Variants in BCAS1 observed in about 807,000 individuals in gnomAD.
BCAS1 encodes breast carcinoma-amplified sequence 1.
Under a neutral mutation model 65.4 loss-of-function variants are expected in BCAS1, and 46 were observed. That is an observed-to-expected ratio of 0.70 (90% CI 0.55 to 0.90). The LOEUF (loss-of-function observed/expected upper bound fraction) is 0.90. BCAS1 is among the 40% of genes least tolerant of loss of function. The probability of loss-of-function intolerance (pLI) is 0.00; values close to 1 mark genes in which losing one functional copy is unlikely to be tolerated. For synonymous variants in BCAS1, 298 were observed against 293.5 expected (o/e 1.02, Z -0.16); for missense variants, 793 against 771.2 (o/e 1.03, Z -0.33).
chr20:53,991,079 G>C (rs1364296177), intron 7 of BCAS1, among the ~76,000 whole-genome samples: 1 of 152,192 alleles, frequency 6.6e-6, no homozygotes, highest in Non-Finnish European at 1.5e-5. Flanking sequence ...TGCATGAAGT[G>C]AATGTCATAA....
At chr20:54,043,381 AAAAT>A (rs1355999326) in intron 3 of BCAS1, among the ~76,000 whole-genome samples, 3 of 152,274 alleles carry the variant, frequency 2.0e-5, no homozygotes, top group African/African-American at 7.2e-5. Context: ...GGTAGGGAAA[AAAAT>A]AAACCTCACA....
At chr20:54,004,429 T>A (rs2091135731) in intron 4 of BCAS1, among the ~76,000 whole-genome samples, 1 of 152,218 alleles carries the variant, frequency 6.6e-6, no homozygotes, top group Non-Finnish European at 1.5e-5. Flanking sequence ...GAAAAATATG[T>A]CCAGCATCAA....
intron 4 of BCAS1, among the ~76,000 whole-genome samples, chr20:54,002,395 A>G (rs6123338): frequency 0.17 from 25,344 of 152,102 alleles, 2,375 homozygotes; most frequent in East Asian, 0.28. Flanking sequence ...TTTTTGTCCA[A>G]GTTTTCATCT....
chr20:53,967,152 G>A, intron 9 of BCAS1, 79 bp from the exon 10 acceptor site: 1 of 1,459,654 alleles, frequency 6.9e-7, no homozygotes, highest in Non-Finnish European at 9.5e-7. Flanking sequence ...TGGGGTCCTT[G>A]TTGCCCCCCT....
At chr20:53,954,037 C>T (rs1001544121) in intron 11 of BCAS1, among the ~76,000 whole-genome samples, 3 of 152,172 alleles carry the variant, frequency 2.0e-5, no homozygotes, top group Admixed American at 2.0e-4. Context: ...CACCTCCAGA[C>T]AAGAGCATGT....
At chr20:53,996,716 G>C (rs1019199807) in intron 4 of BCAS1, among the ~76,000 whole-genome samples, 2 of 152,052 alleles carry the variant, frequency 1.3e-5, no homozygotes, top group African/African-American at 4.8e-5. Flanking sequence ...CCTTGTCTCT[G>C]GTTGGGCTCT....
chr20:54,063,123 T>C (rs2092395796), intron 1 of BCAS1, among the ~76,000 whole-genome samples: 1 of 152,156 alleles, frequency 6.6e-6, no homozygotes. Context: ...GATAACCATA[T>C]ATGACTTGTA....
chr20:54,030,197 A>G (rs2091768845), intron 3 of BCAS1, among the ~76,000 whole-genome samples: 1 of 152,206 alleles, frequency 6.6e-6, no homozygotes, highest in Non-Finnish European at 1.5e-5. Flanking sequence ...ATATTCAGGA[A>G]AAAAAGAACA....
intron 4 of BCAS1, among the ~76,000 whole-genome samples, chr20:54,011,040 G>C (rs2091307888): frequency 6.6e-6 from 1 of 152,062 alleles, no homozygotes; most frequent in Non-Finnish European, 1.5e-5. Flanking sequence ...GGAAAAGAAA[G>C]AACCTCAATT....
intron 4 of BCAS1, among the ~76,000 whole-genome samples, chr20:54,027,301 T>G (rs562750459): frequency 8.1e-4 from 123 of 152,356 alleles, no homozygotes; most frequent in African/African-American, 2.9e-3. Flanking sequence ...TAATTCTTCG[T>G]AGCACCCTGG....
intron 4 of BCAS1, among the ~76,000 whole-genome samples, chr20:54,000,442 G>A (rs1003865227): frequency 6.6e-6 from 1 of 152,182 alleles, no homozygotes; most frequent in African/African-American, 2.4e-5. Context: ...CCAGCACCCA[G>A]ACTTGTGCAC....
chr20:54,045,685 T>C (rs2092090990), intron 3 of BCAS1, among the ~76,000 whole-genome samples: 1 of 152,244 alleles, frequency 6.6e-6, no homozygotes, highest in Admixed American at 6.5e-5. Context: ...ATTATATAAC[T>C]GGGTACCTTC....
Position 54,058,171 on chromosome 20 carries a change from G to A in BCAS1, c.73-17C>T, listed in dbSNP as rs750579645. ...CGCGTTGTCCTGAAACAGAGCACGT[G>A]GCATTGTGAGACAAATCTTCGGGGG... On this transcript the variant is annotated splice_polypyrimidine_tract_variant and intron_variant, in intron 2 of 12. Coordinates refer to ENST00000688948, the MANE Select transcript of BCAS1 (RefSeq NM_001366298.2). 6.8e-6 allele frequency: 11 copies of A among 1,611,648 alleles called. No homozygotes were observed. In the East Asian group the frequency reaches 1.8e-4, roughly 26 times the overall value.
intron 4 of BCAS1, among the ~76,000 whole-genome samples, chr20:53,999,341 A>G (rs1281785945): frequency 1.3e-5 from 2 of 152,192 alleles, no homozygotes; most frequent in Non-Finnish European, 2.9e-5. Context: ...AATCTATCTT[A>G]TCTAATCTTT....
chr20:54,004,049 T>C (rs2091124461), intron 4 of BCAS1, among the ~76,000 whole-genome samples: 1 of 152,194 alleles, frequency 6.6e-6, no homozygotes, highest in African/African-American at 2.4e-5. Context: ...TTTTAATGTG[T>C]ATTGTGGACT....
At chr20:54,029,311 G>T in intron 3 of BCAS1, 2 of 848,484 alleles carry the variant, frequency 2.4e-6, no homozygotes, top group Non-Finnish European at 2.8e-6. Context: ...CTGGGAGGCA[G>T]TACAGCAGTT....
chr20:53,996,665 G>A (rs1270770579), intron 4 of BCAS1, among the ~76,000 whole-genome samples: 2 of 152,026 alleles, frequency 1.3e-5, no homozygotes, highest in Non-Finnish European at 2.9e-5. Flanking sequence ...CCCAGGACAG[G>A]AAGCTACTGC....
At chr20:54,037,290 A>G (rs290465) in intron 3 of BCAS1, among the ~76,000 whole-genome samples, 80,843 of 150,918 alleles carry the variant, frequency 0.54, 23,313 homozygotes, top group South Asian at 0.61. Flanking sequence ...CCAAATGAAC[A>G]GGGAAGAGCT....
chr20:54,025,266 T>TTG (rs1555873990), intron 4 of BCAS1, among the ~76,000 whole-genome samples: 10 of 152,016 alleles, frequency 6.6e-5, no homozygotes, highest in South Asian at 4.2e-4. Flanking sequence ...TTATGTGATT[T>TTG]TGTGTGTGTG....
Sources: gnomAD v4.1 joint callset for allele counts (sites outside exome capture counted in the v4.1 genomes callset) on GRCh38, gnomAD v4.1.1 for gene constraint, MANE v1.5 for transcripts, NCBI Gene and HGNC (gene_info 2026-07-23, HGNC 2026-07-21) for gene names.